The following PITPNB variants were observed in gnomAD, a reference collection of about 807,000 sequenced individuals.
PITPNB encodes the protein phosphatidylinositol transfer protein beta.
In PITPNB, 16 loss-of-function variants were observed where a neutral mutation model predicts 45.9. The ratio of observed to expected loss-of-function variants is 0.35; its 90% CI spans 0.24 to 0.53. PITPNB has a LOEUF of 0.53. Ranked by LOEUF, PITPNB falls within the 20% of genes least tolerant of loss-of-function variation. The pLI, the probability that PITPNB is intolerant of heterozygous loss-of-function variation, is 0.93. For synonymous variants in PITPNB, 112 were observed against 108.9 expected (o/e 1.03, Z -0.18); for missense variants, 188 against 330.5 (o/e 0.57, Z 3.34).
rs546376881 is a variant in PITPNB, at chr22:27,892,762, T to C, written c.456+1793A>G. Among the ~76,000 whole-genome samples the C allele has an allele frequency of 1.5e-4, 23 of 152,314 alleles. 1 individual carries two copies. The highest frequency in any genetic ancestry group is 4.6e-4 in the African/African-American group (19 of 41,572). The stretch of plus-strand genomic sequence containing the variant: ...CTATATAATGTCAAAGGTGGAAATA[T>C]CCCTAAAATTGAAACAACTTCGAAT... On this transcript the variant is annotated intron_variant, in intron 7 of 11. Coordinates refer to ENST00000335272, the MANE Select transcript of PITPNB (RefSeq NM_012399.5).
At chr22:27,870,051 G>A (rs1333455697) in intron 8 of PITPNB, among the ~76,000 whole-genome samples, 1 of 152,150 alleles carries the variant, frequency 6.6e-6, no homozygotes, top group Non-Finnish European at 1.5e-5. Flanking sequence ...GGTACAGAAC[G>A]GTGATCTAGG....
At chr22:27,871,439 G>T (rs190874915) in intron 8 of PITPNB, among the ~76,000 whole-genome samples, 1 of 152,200 alleles carries the variant, frequency 6.6e-6, no homozygotes, top group Non-Finnish European at 1.5e-5. Context: ...CCCTGTAAAA[G>T]TATTGTCAGC....
chr22:27,874,486 G>T (rs1354786353), intron 7 of PITPNB, among the ~76,000 whole-genome samples: 1 of 152,176 alleles, frequency 6.6e-6, no homozygotes, highest in Admixed American at 6.5e-5. Flanking sequence ...CAGGGGAAAG[G>T]CTCTAAAATG....
intron 3 of PITPNB, among the ~76,000 whole-genome samples, chr22:27,908,620 G>C (rs1406956826): frequency 6.6e-6 from 1 of 152,058 alleles, no homozygotes; most frequent in African/African-American, 2.4e-5. Flanking sequence ...ACTTTTATAT[G>C]TGGTGGGGTA....
chr22:27,853,386 A>G lies in PITPNB; in HGVS notation c.*316T>C. The G allele has an allele frequency of 2.1e-6, 1 of 478,458 alleles. No homozygotes were observed. The highest frequency in any genetic ancestry group is 3.7e-6 in the Non-Finnish European group (1 of 271,122). The allele number at this position is 478,458 out of a possible 1,614,324, so 29.6% of individuals were successfully genotyped here. ...TTGCATTCTTGCTGAAGATAGGTAC[A>G]GTACTTTGGAGAAATTGTACTAATC... On this transcript the variant is annotated 3_prime_UTR_variant, in exon 12 of 12. Transcript: ENST00000335272.
intron 2 of PITPNB, among the ~76,000 whole-genome samples, chr22:27,911,452 C>T (rs1935919566): frequency 6.6e-6 from 1 of 152,186 alleles, no homozygotes; most frequent in Admixed American, 6.5e-5. Context: ...CTTTACAAAG[C>T]ATTTTCACCT....
rs200798518 is a variant in PITPNB, at chr22:27,910,960, T to C, written c.197+4A>G. The C allele has an allele frequency of 1.9e-6, 3 of 1,612,334 alleles. No homozygotes were observed. The highest frequency in any genetic ancestry group is 2.5e-6 in the Non-Finnish European group (3 of 1,178,418). On this transcript the variant is annotated splice_donor_region_variant and intron_variant, in intron 3 of 11. Transcript: ENST00000335272. ...ACAAGGCGTCAAATGTGAACACCGC[T>C]TACCTCTTTAGGTGATAAATTTTGT...
intron 3 of PITPNB, among the ~76,000 whole-genome samples, chr22:27,898,388 A>G (rs968388922): frequency 2.0e-5 from 3 of 151,976 alleles, no homozygotes; most frequent in Non-Finnish European, 2.9e-5. Context: ...AGGAAAAAAA[A>G]AATTAACTGT....
At chr22:27,864,027 A>G (rs1934410025) in intron 8 of PITPNB, among the ~76,000 whole-genome samples, 2 of 152,218 alleles carry the variant, frequency 1.3e-5, no homozygotes, top group Non-Finnish European at 2.9e-5. Flanking sequence ...CCAATTTACA[A>G]GTAATTATTT....
chr22:27,893,857 T>C (rs1935361381), intron 7 of PITPNB, among the ~76,000 whole-genome samples: 1 of 152,106 alleles, frequency 6.6e-6, no homozygotes, highest in Admixed American at 6.6e-5. Flanking sequence ...TTCCAAAGTG[T>C]TGGGATTACA....
chr22:27,891,392 G>A (rs1454339639), intron 7 of PITPNB, among the ~76,000 whole-genome samples: 3 of 152,200 alleles, frequency 2.0e-5, no homozygotes, highest in Admixed American at 2.0e-4. Context: ...CCCAGACAAT[G>A]CTTGGTGTGA....
chr22:27,901,954 C>T (rs1197314342), intron 3 of PITPNB, among the ~76,000 whole-genome samples: 1 of 151,988 alleles, frequency 6.6e-6, no homozygotes, highest in Admixed American at 6.6e-5. Context: ...TTCATCCACT[C>T]AAATATTTCC....
chr22:27,866,804 G>C (rs1172615025), intron 8 of PITPNB, among the ~76,000 whole-genome samples: 1 of 152,104 alleles, frequency 6.6e-6, no homozygotes, highest in Admixed American at 6.6e-5. Context: ...TTCAGCTGCT[G>C]ATTCTGTGAT....
intron 10 of PITPNB, among the ~76,000 whole-genome samples, chr22:27,857,201 T>C (rs1934198822): frequency 6.6e-6 from 1 of 152,176 alleles, no homozygotes; most frequent in Non-Finnish European, 1.5e-5. Context: ...ATTTATAACA[T>C]TGTCTCTATG....
intron 3 of PITPNB, chr22:27,910,306 G>C (rs775471682): frequency 6.6e-6 from 1 of 152,092 alleles, no homozygotes; most frequent in Non-Finnish European, 1.5e-5. Context: ...GTGTTGCCCA[G>C]GCTGGTGTCG....
At position 27,858,426 on chromosome 22, in the gene PITPNB, A is replaced by T. The variant is rs1934232917; in HGVS notation, c.729T>A (p.Ile243=). 1 of 1,609,240 alleles carries T rather than the reference A, an allele frequency of 6.2e-7. No homozygotes were observed. Among genetic ancestry groups the T allele is most frequent in the African/African-American group, 1.3e-5 (1 of 74,888 alleles). ...DKWIDLTMED[I]RRMEDETQKE... is the part of the protein sequence containing the mutation. ...TCTGAGTCTCGTCTTCCATTCTCCT[A>T]ATGTCTTCCATCGTGAGATCGATCC... The change falls in exon 10 of 12, where the codon ATT becomes ATA. Residue 243 remains isoleucine (I), a synonymous_variant. Coordinates refer to ENST00000335272, the MANE Select transcript of PITPNB (RefSeq NM_012399.5).
chr22:27,871,060 G>GA (rs1254224278), intron 8 of PITPNB, among the ~76,000 whole-genome samples: 1 of 152,018 alleles, frequency 6.6e-6, no homozygotes, highest in Non-Finnish European at 1.5e-5. Flanking sequence ...GGGGAAAATG[G>GA]AAAAAAACTG....
At chr22:27,900,898 C>T (rs927124509) in intron 3 of PITPNB, among the ~76,000 whole-genome samples, 2 of 152,114 alleles carry the variant, frequency 1.3e-5, no homozygotes, top group African/African-American at 4.8e-5. Flanking sequence ...AATAGTAAGG[C>T]CCTTTAGTAA....
At chr22:27,872,960 G>T (rs758662661) in intron 8 of PITPNB, among the ~76,000 whole-genome samples, 2 of 151,810 alleles carry the variant, frequency 1.3e-5, no homozygotes, top group Non-Finnish European at 2.9e-5. Flanking sequence ...AAGTAAGGGT[G>T]TGCACTTTAT....
Sources: allele counts gnomAD v4.1 joint callset (sites outside exome capture counted in the v4.1 genomes callset), GRCh38; gene constraint gnomAD v4.1.1; transcripts MANE v1.5; gene names NCBI Gene and HGNC (gene_info 2026-07-23, HGNC 2026-07-21).